The following PRMT7 variants were observed in gnomAD, a reference collection of about 807,000 sequenced individuals.
PRMT7 encodes protein arginine N-methyltransferase 7.
PRMT7 carries 75 observed loss-of-function variants against 85.4 expected under a neutral mutation model. The observed-to-expected ratio is 0.88, with a 90% confidence interval of 0.73 to 1.06. The LOEUF (loss-of-function observed/expected upper bound fraction) is 1.06. PRMT7 is among the 50% of genes least tolerant of loss of function. PRMT7 has a pLI of 0.00. For synonymous variants in PRMT7, 397 were observed against 359.5 expected, an observed-to-expected ratio of 1.10 and a Z score of -1.18; for missense variants, 868 against 915.2, an observed-to-expected ratio of 0.95 and a Z score of 0.67.
chr16:68,347,189 T>C (rs1490212359), intron 11 of PRMT7, 22 bp from the exon 12 acceptor site: 1 of 1,545,542 alleles, frequency 6.5e-7, no homozygotes, highest in Non-Finnish European at 8.8e-7. Flanking sequence ...AGCCCTGTGC[T>C]GAGCTTGCCT....
Position 68,338,419 on chromosome 16 carries a change from ACACAGAGTTT to A in PRMT7, c.504+849_504+858del, listed in dbSNP as rs1219249979. On this transcript the variant is annotated intron_variant, in intron 7 of 18. Transcript: ENST00000441236. ...GTGGTGAGGGCGATTCTTCTGGTTT[ACACAGAGTTT>A]GAGCTCTCTAAAGGTCAGCCAAGCA... 2.0e-5 allele frequency among the ~76,000 whole-genome samples: 3 copies of A among 152,014 alleles called. No individual in the cohort carries two copies. The East Asian group carries it at 5.8e-4, about 30-fold the overall frequency.
intron 7 of PRMT7, 69 bp from the exon 8 acceptor site, chr16:68,339,253 G>C (rs1225879268): frequency 4.1e-5 from 66 of 1,592,196 alleles, no homozygotes; most frequent in Non-Finnish European, 5.1e-5. Context: ...AACCTCTTTT[G>C]ATCAATGGGA....
In PRMT7 at chr16:68,357,491, A is replaced by T. The variant is rs2088804987; in HGVS notation, c.*267A>T. 2.3e-6 allele frequency: 1 copy of T among 440,472 alleles called. No individual in the cohort carries two copies. 27.3% of individuals were successfully genotyped at this position (440,472 alleles called of 1,614,324 possible). On this transcript the variant is annotated 3_prime_UTR_variant, in exon 19 of 19. Coordinates refer to ENST00000441236, the MANE Select transcript of PRMT7 (RefSeq NM_019023.5). ...TGCTTGTGCTTCTGAGGTGCTGAGA[A>T]TGCTCCAACACAGAGACATCTCTCC...
In PRMT7 at chr16:68,347,642, C is replaced by T. The variant is rs764901246; in HGVS notation, c.1287C>T (p.Val429=). 31 of 1,613,622 alleles carry T rather than the reference C, an allele frequency of 1.9e-5. No homozygotes were observed. In the South Asian group the frequency reaches 2.0e-4, roughly 10 times the overall value. ...HHLGVEQVFT[V]ESSAASHKLL... is the part of the protein sequence containing the mutation. ...GGTGTTCCCTCTAGGTGTTTACAGT[C>T]GAGAGTTCAGCAGCTTCTCACAAAC... Residue 429 remains valine (V), a synonymous_variant, in exon 13 of 19, where the codon GTC becomes GTT. Transcript: ENST00000441236.
rs569739296 is a variant in PRMT7 at position 68,353,006 on chromosome 16, A to G, written c.1576-486A>G. 3.3e-5 allele frequency among the ~76,000 whole-genome samples: 5 copies of G among 152,252 alleles called. No homozygotes were observed. The East Asian group carries it at 9.7e-4, about 29-fold the overall frequency. On this transcript the variant is annotated intron_variant, in intron 15 of 18. Transcript: ENST00000441236. ...CTTGTTTACCTAATCAGATTTCCAC[A>G]TGAATTCTGGTTTTCATGGCCAAAG...
rs751951164 is a variant in PRMT7, at chr16:68,337,476, C to T, written c.409C>T (p.Arg137Cys). The change falls in exon 7 of 19, where the codon CGT becomes TGT. Residue 137 changes from arginine (R) to cysteine (C), a missense_variant. Physicochemically the swap from Arg to Cys is radical, Grantham distance 180. Coordinates refer to ENST00000441236, the MANE Select transcript of PRMT7 (RefSeq NM_019023.5). ...TTTTTCAGAGGGTGACATGCCATGC[C>T]GTGCCAACATCCTGGTCACAGAGTT... ...TVGPEGDMPC[R>C]ANILVTELFD... The T allele has an allele frequency of 4.3e-6, 7 of 1,609,624 alleles. No individual in the cohort carries two copies. In the South Asian group the frequency reaches 4.4e-5, roughly 10 times the overall value.
Position 68,353,474 on chromosome 16 carries a change from G to A in PRMT7, c.1576-18G>A, listed in dbSNP as rs1169903625. 32 of 1,610,012 alleles carry A rather than the reference G, an allele frequency of 2.0e-5. No individual in the cohort carries two copies. The highest frequency in any genetic ancestry group is 2.7e-5 in the Non-Finnish European group (32 of 1,178,652). On this transcript the variant is annotated intron_variant, in intron 15 of 18. Transcript: ENST00000441236. ...GTCCTGGCGGGCGGGTGTGGACGGGGCTGCTCCTTCCTCACAGGACCTGTG... is the reference window on the plus strand; with the variant it reads ...GTCCTGGCGGGCGGGTGTGGACGGGACTGCTCCTTCCTCACAGGACCTGTG...
intron 7 of PRMT7, 139 bp downstream of exon 7, chr16:68,337,710 GCTC>G: frequency 2.2e-6 from 1 of 450,472 alleles, no homozygotes; most frequent in Non-Finnish European, 3.9e-6. Flanking sequence ...TCCTGGGGGG[GCTC>G]TGGTTCTCCT....
chr16:68,327,521 G>A (rs963743595), intron 5 of PRMT7, among the ~76,000 whole-genome samples: 3 of 152,100 alleles, frequency 2.0e-5, no homozygotes, highest in Non-Finnish European at 4.4e-5. Flanking sequence ...CATTGTGGCT[G>A]GAGTGTTGGT....
chr16:68,313,803 G>C (rs561029355), intron 2 of PRMT7, among the ~76,000 whole-genome samples: 1 of 152,354 alleles, frequency 6.6e-6, no homozygotes, highest in East Asian at 1.9e-4. Context: ...GGGTGCCGTG[G>C]TGCATGCCGG....
intron 3 of PRMT7, among the ~76,000 whole-genome samples, chr16:68,320,830 G>A (rs143838575): frequency 4.6e-5 from 7 of 152,232 alleles, no homozygotes; most frequent in South Asian, 2.1e-4. Context: ...CAGGTGCAGC[G>A]ACGGATGCTT....
Position 68,358,342 on chromosome 16 carries a change from T to C in PRMT7, c.*1118T>C, listed in dbSNP as rs1185031779. On this transcript the variant is annotated 3_prime_UTR_variant, in exon 19 of 19. Transcript: ENST00000441236. ...AACACCAGCCTTGAGCCTCACAGTT[T>C]TATTTTCTCCTCGTTATCCATCCTT... 6.5e-6 allele frequency: 1 copy of C among 152,780 alleles called. No individual in the cohort carries two copies. The highest frequency in any genetic ancestry group is 1.9e-4 in the East Asian group (1 of 5,332). 9.5% of individuals were successfully genotyped at this position (152,780 alleles called of 1,614,324 possible). A position where few individuals can be genotyped will look rare whatever the true frequency, so the allele number is the denominator to read the frequency against.
chr16:68,345,609 G>C, intron 9 of PRMT7, 66 bp from the exon 10 acceptor site: 2 of 1,601,168 alleles, frequency 1.2e-6, no homozygotes, highest in Admixed American at 1.7e-5. Context: ...CTGGCATTTG[G>C]CTCCTGGATT....
At position 68,353,558 on chromosome 16, in the gene PRMT7, ATGAT is replaced by A. The variant is rs775606088; in HGVS notation, c.1644_1647del (p.Met548IlefsTer33). 6.3e-7 allele frequency: 1 copy of A among 1,582,070 alleles called. No individual in the cohort carries two copies. The highest frequency in any genetic ancestry group is 1.2e-5 in the South Asian group (1 of 86,106). On this transcript the variant is annotated frameshift_variant, in exon 16 of 19. Coordinates refer to ENST00000441236, the MANE Select transcript of PRMT7 (RefSeq NM_019023.5). LOFTEE classifies it high-confidence loss of function. ...CTTCGACGTGCACATCATGGACGAC[ATGAT>A]TAAGGTAGGCAGGGCCACACTCTGC...
Position 68,339,376 on chromosome 16 carries a change from T to A in PRMT7, c.559T>A (p.Ser187Thr), listed in dbSNP as rs139075580. The stretch of plus-strand genomic sequence containing the variant: ...CACCGTCTATGCACAGCTGGTGGAG[T>A]CCGGGAGGATGTGGTCGTGGAACAA... ...RATVYAQLVE[S>T]GRMWSWNKLF... is the part of the protein sequence containing the mutation. The change falls in exon 8 of 19, where the codon TCC becomes ACC. Residue 187 changes from serine to threonine, a missense_variant. Transcript: ENST00000441236. The A allele has an allele frequency of 8.7e-6, 14 of 1,613,780 alleles. No homozygotes were observed. In the African/African-American group the frequency reaches 1.9e-4, roughly 22 times the overall value.
Position 68,355,873 on chromosome 16 carries a change from G to T in PRMT7, c.1801G>T (p.Glu601Ter). 1 of 1,596,974 alleles carries T rather than the reference G, an allele frequency of 6.3e-7. No individual in the cohort carries two copies. The change falls in exon 17 of 19, where the codon GAG becomes TAG. Residue 601 changes from glutamate to a stop codon, truncating the protein, a stop_gained. Transcript: ENST00000441236. LOFTEE classifies it high-confidence loss of function. ...GCCCCTGTGTGCCGAGGGCACCGTG[G>T]AGCTCAGAAGGTGGGTGCAGAGAGG... ...LQPLCAEGTV[E>*]LRRPGQSHAA...
chr16:68,359,742 CA>C (rs2089128140), downstream of PRMT7: 1 of 152,580 alleles, frequency 6.6e-6, no homozygotes, highest in African/African-American at 2.4e-5. Context: ...TTGTCAAAAA[CA>C]GTCCCTCAAG....
rs546110775 is a variant in PRMT7, at chr16:68,323,345, A to G, written c.133-1338A>G. ...GTGATTCTCCTGCCTTAGCCTCCCAAGTAGCTGGGGTTACAGGCATGCGCC... is the reference window on the plus strand; with the variant it reads ...GTGATTCTCCTGCCTTAGCCTCCCAGGTAGCTGGGGTTACAGGCATGCGCC... On this transcript the variant is annotated intron_variant, in intron 4 of 18. Transcript: ENST00000441236. Among the ~76,000 whole-genome samples, 4 of 151,674 alleles carry G rather than the reference A, an allele frequency of 2.6e-5. No individual in the cohort carries two copies. The East Asian group carries it at 5.8e-4, about 22-fold the overall frequency.
intron 6 of PRMT7, among the ~76,000 whole-genome samples, chr16:68,336,253 T>A (rs542097719): frequency 7.2e-5 from 11 of 152,338 alleles, no homozygotes; most frequent in Non-Finnish European, 1.5e-4. Flanking sequence ...CTTGGCTCAT[T>A]AAAAATTATA....
Sources: gnomAD v4.1 joint callset for allele counts (sites outside exome capture counted in the v4.1 genomes callset) on GRCh38, gnomAD v4.1.1 for gene constraint, MANE v1.5 for transcripts, NCBI Gene and HGNC (gene_info 2026-07-23, HGNC 2026-07-21) for gene names.